Variants in ABCC11 observed in about 807,000 individuals in gnomAD.
The protein encoded by ABCC11 is ATP-binding cassette sub-family C member 11.
A neutral mutation model predicts 149.3 loss-of-function variants in ABCC11; 135 were observed. The observed-to-expected ratio is 0.90, with a 90% CI of 0.79 to 1.04. ABCC11 has a LOEUF of 1.04. Among genes scored for constraint, ABCC11 ranks in the 50% least tolerant of loss-of-function variants. ABCC11 has a pLI of 0.00. For missense variants in ABCC11, 1,680 were observed against 1,722.1 expected (o/e 0.98, Z 0.43); for synonymous variants, 665 against 671.4 (o/e 0.99, Z 0.15).
intron 10 of ABCC11, among the ~76,000 whole-genome samples, chr16:48,211,615 C>T (rs374775053): frequency 8.4e-4 from 128 of 151,852 alleles, no homozygotes; most frequent in Non-Finnish European, 1.4e-3. Context: ...GAGGCCAAGT[C>T]GGGGGATTGC....
intron 20 of ABCC11, among the ~76,000 whole-genome samples, chr16:48,192,027 A>G (rs958781718): frequency 1.3e-5 from 2 of 152,200 alleles, no homozygotes; most frequent in African/African-American, 4.8e-5. Flanking sequence ...TCACACCTGT[A>G]ATTCTAGCTA....
intron 23 of ABCC11, among the ~76,000 whole-genome samples, chr16:48,183,908 C>G (rs914809876): frequency 3.9e-5 from 6 of 152,214 alleles, no homozygotes; most frequent in Admixed American, 1.3e-4. Flanking sequence ...GTCCAGAAGT[C>G]TGTTTCAAGT....
chr16:48,245,203 G>C (rs1971296985), intron 1 of ABCC11, among the ~76,000 whole-genome samples: 1 of 151,802 alleles, frequency 6.6e-6, no homozygotes, highest in African/African-American at 2.4e-5. Flanking sequence ...GTTTCCCTTT[G>C]TAAAGGGCCT....
At position 48,242,250 on chromosome 16, in the gene ABCC11, C is replaced by T. The variant is rs1422220591; in HGVS notation, c.-19+5064G>A. 7.9e-5 allele frequency among the ~76,000 whole-genome samples: 12 copies of T among 152,192 alleles called. 1 individual carries two copies. The highest frequency in any genetic ancestry group is 2.9e-4 in the African/African-American group (12 of 41,442). On this transcript the variant is annotated intron_variant, in intron 1 of 29. Transcript: ENST00000356608. ...AGTGGGCAAAGGATATGAACAGACA[C>T]TTCTCAAAAGAAGACATTTATGCAG...
At chr16:48,233,419 G>T (rs13334052) in intron 1 of ABCC11, among the ~76,000 whole-genome samples, 19,821 of 152,066 alleles carry the variant, frequency 0.13, 1,578 homozygotes, top group African/African-American at 0.23. Flanking sequence ...AGGGCACCAG[G>T]CCATAGGCTT....
chr16:48,214,071 G>C (rs1969139407), intron 9 of ABCC11, among the ~76,000 whole-genome samples: 1 of 152,074 alleles, frequency 6.6e-6, no homozygotes, highest in Admixed American at 6.5e-5. Flanking sequence ...TCAGGACCCA[G>C]AAGGTGCCCT....
intron 6 of ABCC11, among the ~76,000 whole-genome samples, chr16:48,221,921 T>G (rs991194172): frequency 4.0e-5 from 6 of 151,856 alleles, no homozygotes. Flanking sequence ...TTTGTCTTTT[T>G]TTTTTTTTTT....
At chr16:48,201,973 GAA>G (rs1968021932) in intron 14 of ABCC11, among the ~76,000 whole-genome samples, 2 of 152,286 alleles carry the variant, frequency 1.3e-5, no homozygotes, top group South Asian at 4.1e-4. Context: ...TGGTGGCAGA[GAA>G]AACTCCTGTC....
chr16:48,182,064 C>T (rs763654286), intron 23 of ABCC11, among the ~76,000 whole-genome samples: 5 of 152,152 alleles, frequency 3.3e-5, no homozygotes, highest in East Asian at 1.9e-4. Flanking sequence ...AGTGCATGTA[C>T]GTGCTTGCTT....
chr16:48,169,336 T>A (rs1239242515), intron 28 of ABCC11, among the ~76,000 whole-genome samples: 2 of 152,166 alleles, frequency 1.3e-5, no homozygotes, highest in African/African-American at 4.8e-5. Context: ...ACACCACAAA[T>A]GCATGTGGAA....
intron 4 of ABCC11, 127 bp from the exon 5 acceptor site, chr16:48,224,556 T>A: frequency 9.6e-7 from 1 of 1,046,526 alleles, no homozygotes; most frequent in Non-Finnish European, 1.4e-6. Context: ...AATGTAGTAA[T>A]CTTCTGAGTA....
At chr16:48,185,508 T>C (rs1596693603) in intron 22 of ABCC11, among the ~76,000 whole-genome samples, 1 of 152,246 alleles carries the variant, frequency 6.6e-6, no homozygotes. Flanking sequence ...TGTTTGAGAA[T>C]GTATATTAAA....
At chr16:48,181,056 C>T (rs1020242161) in intron 23 of ABCC11, among the ~76,000 whole-genome samples, 1 of 152,210 alleles carries the variant, frequency 6.6e-6, no homozygotes, top group South Asian at 2.1e-4. Flanking sequence ...GCCTCTGCCT[C>T]GCTCCCTACA....
chr16:48,231,710 A>C, intron 2 of ABCC11, 113 bp downstream of exon 2: 1 of 1,454,696 alleles, frequency 6.9e-7, no homozygotes, highest in Non-Finnish European at 9.1e-7. Flanking sequence ...GAAAAGAAAA[A>C]AAATTCAAGG....
chr16:48,192,674 C>T lies in ABCC11; in HGVS notation c.2552G>A (p.Gly851Asp), dbSNP rs557262879. 2.4e-4 allele frequency: 389 copies of T among 1,614,198 alleles called. 6 individuals are homozygous for T. The South Asian group carries it at 3.9e-3, about 16-fold the overall frequency. ...RESNGTMADL[G>D]NIADNPQLSF... ...CAGTTGAGGATTGTCTGCAATGTTGCCCAGGTCTGCCATGGTTCCATTGCT... is the reference window on the plus strand; with the variant it reads ...CAGTTGAGGATTGTCTGCAATGTTGTCCAGGTCTGCCATGGTTCCATTGCT... The change falls in exon 20 of 30, where the codon GGC (glycine) becomes GAC (aspartate). Residue 851 changes from glycine (G) to aspartate (D), a missense_variant. Physicochemically the swap from Gly to Asp is moderately conservative, Grantham distance 94. Transcript: ENST00000356608.
At chr16:48,176,165 A>C (rs1193268786) in intron 25 of ABCC11, 2 of 152,198 alleles carry the variant, frequency 1.3e-5, no homozygotes, top group African/African-American at 4.8e-5. Flanking sequence ...CACCCAAAAG[A>C]ACATATGTGG....
intron 1 of ABCC11, among the ~76,000 whole-genome samples, chr16:48,238,441 G>C (rs16946011): frequency 0.13 from 19,884 of 151,974 alleles, 1,612 homozygotes; most frequent in African/African-American, 0.23. Context: ...CTGAGAAGTC[G>C]CTTAACAAAT....
rs1970359977 is a variant in ABCC11, at chr16:48,230,520, C to T, written c.153G>A (p.Glu51=). ...GPWSQQERNP[E]APGRAAVPPW... ...GTGGGACAGCTGCCCTCCCTGGAGC[C>T]TCAGGATTTCTCTCTTGCTGACTCC... The change falls in exon 3 of 30, where the codon GAG becomes GAA. Residue 51 remains glutamate, a synonymous_variant. Transcript: ENST00000356608. The T allele has an allele frequency of 1.2e-6, 2 of 1,612,190 alleles. No individual in the cohort carries two copies. Among genetic ancestry groups the T allele is most frequent in the Non-Finnish European group, 1.7e-6 (2 of 1,179,132 alleles).
At chr16:48,231,404 G>A (rs1970406681) in intron 2 of ABCC11, among the ~76,000 whole-genome samples, 1 of 152,110 alleles carries the variant, frequency 6.6e-6, no homozygotes, top group African/African-American at 2.4e-5. Flanking sequence ...GGTGGCTCAT[G>A]CTTGTAATCC....
Sources: gnomAD v4.1 joint callset for allele counts (sites outside exome capture counted in the v4.1 genomes callset) on GRCh38, gnomAD v4.1.1 for gene constraint, MANE v1.5 for transcripts, NCBI Gene and HGNC (gene_info 2026-07-23, HGNC 2026-07-21) for gene names.